CYFIP1: variants seen among roughly 807,000 people sequenced by gnomAD.
CYFIP1 encodes the protein cytoplasmic FMR1 interacting protein 1.
A neutral mutation model predicts 163.5 loss-of-function variants in CYFIP1; 58 were observed. The ratio of observed to expected loss-of-function variants is 0.35; its 90% CI spans 0.29 to 0.44. The LOEUF (loss-of-function observed/expected upper bound fraction) is 0.44. Among genes scored for constraint, CYFIP1 ranks in the 20% least tolerant of loss-of-function variants. CYFIP1 has a pLI of 1.00. For synonymous variants in CYFIP1, 663 were observed against 660.7 expected (o/e 1.00, Z -0.05); for missense variants, 1,338 against 1,653.8 (o/e 0.81, Z 3.31).
In CYFIP1 at chr15:22,904,034, G is replaced by A. The variant is rs150722631; in HGVS notation, c.2389-129C>T. On this transcript the variant is annotated intron_variant, in intron 21 of 30. Coordinates refer to ENST00000617928, the MANE Select transcript of CYFIP1 (RefSeq NM_014608.6). ...TGCACGGAGGCAGCCCCCAGTGAGC[G>A]TAGGCTCTGACAGGTGACATGAGCT... The A allele has an allele frequency of 9.2e-4, 744 of 813,056 alleles. 2 individuals are homozygous for A. The highest frequency in any genetic ancestry group is 8.9e-3 in the African/African-American group (521 of 58,454). The allele number at this position is 813,056 out of a possible 1,614,324, so 50.4% of individuals were successfully genotyped here.
intron 26 of CYFIP1, among the ~76,000 whole-genome samples, chr15:22,876,378 G>T (rs546120990): frequency 6.6e-6 from 1 of 152,162 alleles, no homozygotes; most frequent in Admixed American, 6.5e-5. Context: ...GAAGCCAACA[G>T]AGGGCCAACT....
intron 1 of CYFIP1, chr15:22,948,088 A>C: frequency 1.5e-6 from 1 of 671,142 alleles, no homozygotes; most frequent in Non-Finnish European, 1.8e-6. Context: ...GGAGCCCCAA[A>C]TCCCTCCTCC....
Position 22,947,081 on chromosome 15 carries a change from G to T in CYFIP1, c.129C>A (p.Asn43Lys). 1 of 1,614,154 alleles carries T rather than the reference G, an allele frequency of 6.2e-7. No homozygotes were observed. Among genetic ancestry groups the T allele is most frequent in the East Asian group, 2.2e-5 (1 of 44,882 alleles). ...PSSLLYQPNF[N>K]TNFEDRNAFV... Reference sequence around the variant, plus strand: ...ATGCATTTCTGTCTTCAAAGTTAGTGTTGAAATTTGGCTGAAGGAAAGGAA... The same window carrying T: ...ATGCATTTCTGTCTTCAAAGTTAGTTTTGAAATTTGGCTGAAGGAAAGGAA... Residue 43 changes from asparagine to lysine, a missense_variant, in exon 3 of 31, where the codon AAC becomes AAA. Physicochemically the swap from Asn to Lys is moderately conservative, Grantham distance 94. Transcript: ENST00000617928.
chr15:22,951,125 C>G (rs1462807741), intron 1 of CYFIP1, among the ~76,000 whole-genome samples: 4 of 152,082 alleles, frequency 2.6e-5, no homozygotes, highest in Non-Finnish European at 5.9e-5. Flanking sequence ...AATTGCAGGC[C>G]AATCCCCAAT....
At position 22,868,899 on chromosome 15, in the gene CYFIP1, A is replaced by C. The variant is rs1411661832; in HGVS notation, c.*1129T>G. ...GGACTTGTGTTTATCTGTAGTATTC[A>C]TCTACAATAAACAGGCATAGCATCT... On this transcript the variant is annotated 3_prime_UTR_variant, in exon 31 of 31. Transcript: ENST00000617928. 6.7e-6 allele frequency: 1 copy of C among 148,294 alleles called. No homozygotes were observed. The highest frequency in any genetic ancestry group is 2.5e-5 in the African/African-American group (1 of 39,726). 9.2% of individuals were successfully genotyped at this position (148,294 alleles called of 1,614,324 possible). A position where few individuals can be genotyped will look rare whatever the true frequency, so the allele number is the denominator to read the frequency against.
At chr15:22,944,456 A>G in intron 5 of CYFIP1, 102 bp downstream of exon 5, 1 of 761,894 alleles carries the variant, frequency 1.3e-6, no homozygotes, top group Non-Finnish European at 2.2e-6. Context: ...TTTAATTTGC[A>G]GGCACTCTGT....
intron 11 of CYFIP1, among the ~76,000 whole-genome samples, chr15:22,928,400 TAAATAAATAAATA>T (rs2061427229): frequency 3.0e-5 from 1 of 33,610 alleles, no homozygotes; most frequent in Non-Finnish European, 5.0e-5. Context: ...AATAAATAAA[TAAATAAATAAATA>T]AATAAATAAA....
At chr15:22,969,790 C>T (rs1035865785) in intron 1 of CYFIP1, among the ~76,000 whole-genome samples, 9 of 152,044 alleles carry the variant, frequency 5.9e-5, no homozygotes, top group African/African-American at 1.9e-4. Flanking sequence ...AATACAAGTA[C>T]GGTGAAACTA....
chr15:22,940,031 A>G (rs549513682), intron 6 of CYFIP1, among the ~76,000 whole-genome samples: 1 of 152,270 alleles, frequency 6.6e-6, no homozygotes, highest in South Asian at 2.1e-4. Flanking sequence ...ACCAATTTGT[A>G]GCTACACCCG....
chr15:22,879,123 A>G (rs4778456), intron 26 of CYFIP1, among the ~76,000 whole-genome samples: 111,573 of 149,716 alleles, frequency 0.75, 41,942 homozygotes, highest in South Asian at 0.86. Context: ...GTGACAGAGC[A>G]AGACTCCGTC....
In CYFIP1 at chr15:22,869,775, A is replaced by G. The variant is rs992412368; in HGVS notation, c.*253T>C. 6.0e-6 allele frequency: 2 copies of G among 331,654 alleles called. No individual in the cohort carries two copies. Among genetic ancestry groups the G allele is most frequent in the Non-Finnish European group, 1.1e-5 (2 of 185,828 alleles). The allele number at this position is 331,654 out of a possible 1,614,324, so 20.5% of individuals were successfully genotyped here. A position where few individuals can be genotyped will look rare whatever the true frequency, so the allele number is the denominator to read the frequency against. On this transcript the variant is annotated 3_prime_UTR_variant, in exon 31 of 31. Transcript: ENST00000617928. ...TATGACACAGCTGCCAGAACATCCCATAGAAAAACAATTTTGTAGGAACGT... is the reference window on the plus strand; with the variant it reads ...TATGACACAGCTGCCAGAACATCCCGTAGAAAAACAATTTTGTAGGAACGT...
chr15:22,965,722 G>A (rs141486115), intron 1 of CYFIP1, among the ~76,000 whole-genome samples: 1 of 152,136 alleles, frequency 6.6e-6, no homozygotes, highest in Non-Finnish European at 1.5e-5. Context: ...TATCTAACAG[G>A]GATAACGAAT....
chr15:22,924,771 C>CA (rs1218655478), intron 13 of CYFIP1, among the ~76,000 whole-genome samples: 1 of 152,096 alleles, frequency 6.6e-6, no homozygotes, highest in Non-Finnish European at 1.5e-5. Flanking sequence ...AACCTTATGT[C>CA]AAAAAATCAG....
intron 1 of CYFIP1, among the ~76,000 whole-genome samples, chr15:22,956,623 G>T (rs539249826): frequency 5.3e-5 from 8 of 152,210 alleles, no homozygotes; most frequent in African/African-American, 1.9e-4. Flanking sequence ...CTGGAGACGG[G>T]GCATCTCAGG....
chr15:22,893,882 A>C (rs777881237), intron 22 of CYFIP1, among the ~76,000 whole-genome samples: 12 of 152,014 alleles, frequency 7.9e-5, no homozygotes, highest in Non-Finnish European at 1.8e-4. Flanking sequence ...ATGTATGGAG[A>C]TGTGTTATCT....
At chr15:22,962,656 G>A (rs55857208) in intron 1 of CYFIP1, among the ~76,000 whole-genome samples, 7 of 151,388 alleles carry the variant, frequency 4.6e-5, no homozygotes, top group Admixed American at 1.3e-4. Flanking sequence ...CACCAGCCTC[G>A]GCCTCCCAAA....
intron 1 of CYFIP1, among the ~76,000 whole-genome samples, chr15:22,959,765 C>T (rs887771116): frequency 2.0e-5 from 3 of 152,152 alleles, no homozygotes; most frequent in African/African-American, 4.8e-5. Context: ...ACAGGCGCCA[C>T]GGGCGATCGA....
chr15:22,933,782 C>A lies in CYFIP1; in HGVS notation c.992+20G>T. On this transcript the variant is annotated intron_variant, in intron 10 of 30. Coordinates refer to ENST00000617928, the MANE Select transcript of CYFIP1 (RefSeq NM_014608.6). ...GACACTGCCGAAAGCTCAAACCAGG[C>A]AGCTTTCCTCTCCTCCTACCGAGAT... 1.3e-6 allele frequency: 2 copies of A among 1,585,352 alleles called. No individual in the cohort carries two copies. Among genetic ancestry groups the A allele is most frequent in the Non-Finnish European group, 1.7e-6 (2 of 1,157,038 alleles).
intron 1 of CYFIP1, among the ~76,000 whole-genome samples, chr15:22,973,976 ATCACC>A (rs1299561212): frequency 1.3e-5 from 2 of 152,210 alleles, no homozygotes. Context: ...ACAATGAGCT[ATCACC>A]TCACACCTGT....
Sources: allele counts gnomAD v4.1 joint callset (sites outside exome capture counted in the v4.1 genomes callset), GRCh38; gene constraint gnomAD v4.1.1; transcripts MANE v1.5; gene names NCBI Gene and HGNC (gene_info 2026-07-23, HGNC 2026-07-21).